The following LIPA variants were observed in gnomAD, a reference collection of about 807,000 sequenced individuals.
The protein encoded by LIPA is lysosomal acid lipase/cholesteryl ester hydrolase.
LIPA carries 26 observed loss-of-function variants against 40.6 expected under a neutral mutation model. That is an observed-to-expected ratio of 0.64 (90% CI 0.47 to 0.89). The LOEUF is 0.89. Among genes scored for constraint, LIPA ranks in the 40% least tolerant of loss-of-function variants. The pLI is 0.00. For synonymous variants in LIPA, 188 were observed against 168.4 expected (o/e 1.12, Z -0.90); for missense variants, 455 against 479.6 (o/e 0.95, Z 0.48).
chr10:89,358,152 A>G (rs990600484), intron 2 of LIPA, among the ~76,000 whole-genome samples: 11 of 152,202 alleles, frequency 7.2e-5, no homozygotes, highest in African/African-American at 2.4e-4. Context: ...TAGTTCCTCC[A>G]TGTGGTGAGA....
At chr10:89,235,468 A>T (rs1412085806) in intron 3 of LIPA, among the ~76,000 whole-genome samples, 1 of 152,272 alleles carries the variant, frequency 6.6e-6, no homozygotes, top group African/African-American at 2.4e-5. Context: ...ACAAAGAAGC[A>T]GCCCAGTGGC....
chr10:89,292,912 G>A (rs1472620864), intron 1 of LIPA, among the ~76,000 whole-genome samples: 1 of 151,614 alleles, frequency 6.6e-6, no homozygotes, highest in Non-Finnish European at 1.5e-5. Flanking sequence ...GCCCCTCAAA[G>A]TGCTGAGATT....
At chr10:89,306,310 C>T (rs1843478277) in intron 1 of LIPA, 1 of 1,613,950 alleles carries the variant, frequency 6.2e-7, no homozygotes, top group African/African-American at 1.3e-5. Context: ...TTTATGTAGA[C>T]AAGGTGAAAC....
At chr10:89,280,286 A>G (rs1727427002) in intron 1 of LIPA, among the ~76,000 whole-genome samples, 1 of 152,190 alleles carries the variant, frequency 6.6e-6, no homozygotes, top group African/African-American at 2.4e-5. Flanking sequence ...ATTTAAGGGT[A>G]TCAATGTGTA....
chr10:89,361,040 C>A (rs1271557743), intron 2 of LIPA, among the ~76,000 whole-genome samples: 2 of 152,160 alleles, frequency 1.3e-5, no homozygotes, highest in African/African-American at 2.4e-5. Flanking sequence ...ATGAGGACAT[C>A]AGTCACATTG....
chr10:89,222,226 A>G (rs1337888409), intron 8 of LIPA, among the ~76,000 whole-genome samples: 1 of 152,176 alleles, frequency 6.6e-6, no homozygotes, highest in East Asian at 1.9e-4. Flanking sequence ...GCTGGGGGAG[A>G]AGGAAAGGGA....
At chr10:89,237,999 C>T (rs1842926124) in intron 3 of LIPA, among the ~76,000 whole-genome samples, 1 of 152,196 alleles carries the variant, frequency 6.6e-6, no homozygotes, top group African/African-American at 2.4e-5. Context: ...AAGAATTACA[C>T]CACTGAAGAT....
In LIPA at chr10:89,214,426, C is replaced by T. The variant is rs970091927; in HGVS notation, c.*402G>A. 8 of 186,114 alleles carry T rather than the reference C, an allele frequency of 4.3e-5. No individual in the cohort carries two copies. Among genetic ancestry groups the T allele is most frequent in the East Asian group, 1.5e-4 (1 of 6,826 alleles). The allele number at this position is 186,114 out of a possible 1,614,324, so 11.5% of individuals were successfully genotyped here. A position where few individuals can be genotyped will look rare whatever the true frequency, so the allele number is the denominator to read the frequency against. On this transcript the variant is annotated 3_prime_UTR_variant, in exon 10 of 10. Transcript: ENST00000336233. The stretch of plus-strand genomic sequence containing the variant: ...ATGAAAACTGCGTACTTTTATACCT[C>T]GCTTAAGTCAGTGACAGATTTACCA...
intron 2 of LIPA, among the ~76,000 whole-genome samples, chr10:89,401,800 A>C (rs1844428830): frequency 6.6e-6 from 1 of 152,224 alleles, no homozygotes; most frequent in South Asian, 2.1e-4. Flanking sequence ...GAAAAAAAAA[A>C]AACCCGGGTC....
At chr10:89,360,118 T>A (rs1043986546) in intron 2 of LIPA, among the ~76,000 whole-genome samples, 2 of 152,212 alleles carry the variant, frequency 1.3e-5, no homozygotes, top group Admixed American at 1.3e-4. Flanking sequence ...TTCCTAATCA[T>A]AAAACATATG....
rs1332614238 is a variant in LIPA, at chr10:89,412,800, GA to G, written c.51del (p.Leu18PhefsTer87). ...AAGACCACGAACTCACCAGAAGGAAGAAACTCCAGACACATCTGAACATCGA... is the reference window on the plus strand; with the variant it reads ...AAGACCACGAACTCACCAGAAGGAAGAACTCCAGACACATCTGAACATCGA... On this transcript the variant is annotated frameshift_variant, in exon 2 of 9. Transcript: ENST00000371837. LOFTEE classifies it high-confidence loss of function. 1 of 264,290 alleles carries G rather than the reference GA, an allele frequency of 3.8e-6. No individual in the cohort carries two copies. Among genetic ancestry groups the G allele is most frequent in the Non-Finnish European group, 7.2e-6 (1 of 138,946 alleles). The allele number at this position is 264,290 out of a possible 1,614,324, so 16.4% of individuals were successfully genotyped here.
intron 1 of LIPA, among the ~76,000 whole-genome samples, chr10:89,263,944 C>A (rs1843222766): frequency 6.6e-6 from 1 of 152,270 alleles, no homozygotes; most frequent in African/African-American, 2.4e-5. Flanking sequence ...ACTGCTGGAT[C>A]AGATGCACCA....
intron 2 of LIPA, among the ~76,000 whole-genome samples, chr10:89,364,124 T>C (rs1844042422): frequency 6.6e-6 from 1 of 152,226 alleles, no homozygotes; most frequent in South Asian, 2.1e-4. Context: ...AACTGTTTGG[T>C]GGCACACATC....
At chr10:89,263,970 A>G (rs1038082182) in intron 1 of LIPA, among the ~76,000 whole-genome samples, 1 of 152,196 alleles carries the variant, frequency 6.6e-6, no homozygotes, top group Admixed American at 6.5e-5. Flanking sequence ...AGCTTCTCCT[A>G]TGGACACCCA....
chr10:89,306,654 A>G (rs777028408), intron 1 of LIPA: 4 of 1,614,024 alleles, frequency 2.5e-6, no homozygotes, highest in Non-Finnish European at 3.4e-6. Flanking sequence ...GGTGAAGGAG[A>G]GAAGTTAGTT....
chr10:89,365,951 T>C (rs1291283294), intron 2 of LIPA, among the ~76,000 whole-genome samples: 1 of 152,198 alleles, frequency 6.6e-6, no homozygotes, highest in African/African-American at 2.4e-5. Context: ...TTTGGTTCCA[T>C]ATGAACTTTA....
intron 1 of LIPA, among the ~76,000 whole-genome samples, chr10:89,289,185 T>G (rs1843358252): frequency 6.6e-6 from 1 of 152,270 alleles, no homozygotes; most frequent in African/African-American, 2.4e-5. Context: ...CAAATGGTTC[T>G]TGGACCAAGG....
intron 1 of LIPA, among the ~76,000 whole-genome samples, chr10:89,297,222 C>T (rs1283200191): frequency 6.6e-6 from 1 of 152,170 alleles, no homozygotes; most frequent in Non-Finnish European, 1.5e-5. Context: ...CCACATCCCT[C>T]CTGCAAACTG....
intron 1 of LIPA, chr10:89,285,336 C>A (rs912659723): frequency 4.6e-5 from 7 of 152,420 alleles, no homozygotes; most frequent in Non-Finnish European, 1.0e-4. Flanking sequence ...CTTTCAATCT[C>A]GGCACCACAC....
Sources: allele counts gnomAD v4.1 joint callset (sites outside exome capture counted in the v4.1 genomes callset), GRCh38; gene constraint gnomAD v4.1.1; transcripts MANE v1.5; gene names NCBI Gene and HGNC (gene_info 2026-07-23, HGNC 2026-07-21).